SUCLA2: variants seen among roughly 807,000 people sequenced by gnomAD.
The protein encoded by SUCLA2 is succinate-CoA ligase ADP-forming subunit beta, also known as succinate--CoA ligase [ADP-forming] subunit beta, mitochondrial.
SUCLA2 carries 30 observed loss-of-function variants against 54.8 expected under a neutral mutation model. The ratio of observed to expected loss-of-function variants is 0.55; its 90% CI spans 0.41 to 0.74. The LOEUF (loss-of-function observed/expected upper bound fraction) is 0.74, where lower values mean the gene tolerates loss of function less well. SUCLA2 is among the 30% of genes least tolerant of loss of function. The pLI, the probability that SUCLA2 is intolerant of heterozygous loss-of-function variation, is 0.00. For missense variants in SUCLA2, 476 were observed against 562.9 expected (o/e 0.85, Z 1.56); for synonymous variants, 172 against 188.9 (o/e 0.91, Z 0.74).
At chr13:47,980,352 T>G (rs1243350018) in intron 4 of SUCLA2, among the ~76,000 whole-genome samples, 1 of 151,850 alleles carries the variant, frequency 6.6e-6, no homozygotes, top group African/African-American at 2.4e-5. Flanking sequence ...GAAATGCAGG[T>G]TGCAGTGAGC....
chr13:47,965,526 AAAC>A (rs1949911378), intron 6 of SUCLA2: 8 of 390,646 alleles, frequency 2.0e-5, no homozygotes, highest in Admixed American at 8.9e-5. Context: ...CAAAAAAAAA[AAAC>A]AAAGAAAAAC....
intron 4 of SUCLA2, among the ~76,000 whole-genome samples, chr13:47,981,983 T>G (rs1408054337): frequency 6.6e-6 from 1 of 152,078 alleles, no homozygotes; most frequent in African/African-American, 2.4e-5. Context: ...AGACTCTGTC[T>G]CAAAAAAATA....
rs1056034669 is a variant in SUCLA2, at chr13:47,964,687, C to T, written c.802+3908G>A. Among the ~76,000 whole-genome samples the T allele has an allele frequency of 7.3e-4, 111 of 152,040 alleles. 2 individuals are homozygous for T. The highest frequency in any genetic ancestry group is 1.7e-3 in the Admixed American group (26 of 15,278). On this transcript the variant is annotated intron_variant, in intron 6 of 10. Coordinates refer to ENST00000646932, the MANE Select transcript of SUCLA2 (RefSeq NM_003850.3). Reference sequence around the variant, plus strand: ...CCTGGCTAACACGGTGAAACCCCGTCTCTACTAAAAATACAAAAAATTAGC... The same window carrying T: ...CCTGGCTAACACGGTGAAACCCCGTTTCTACTAAAAATACAAAAAATTAGC...
intron 4 of SUCLA2, among the ~76,000 whole-genome samples, chr13:47,980,389 T>G (rs1390176402): frequency 2.6e-5 from 4 of 152,062 alleles, no homozygotes; most frequent in Admixed American, 2.6e-4. Flanking sequence ...CACTCCAGCC[T>G]GGGTGACAGA....
At chr13:47,946,443 A>C (rs7994359) in intron 10 of SUCLA2, among the ~76,000 whole-genome samples, 94,865 of 151,822 alleles carry the variant, frequency 0.62, 30,595 homozygotes, top group East Asian at 0.77. Flanking sequence ...AACAAACAAA[A>C]AAAAAAGGTA....
At chr13:47,996,323 C>CA (rs750012963) in intron 2 of SUCLA2, among the ~76,000 whole-genome samples, 33,659 of 93,192 alleles carry the variant, frequency 0.36, 4,556 homozygotes, top group Middle Eastern at 0.48. Flanking sequence ...AACTCCGTCT[C>CA]AAAAAAAAAA....
At chr13:47,957,776 A>C (rs1949833619) in intron 6 of SUCLA2, among the ~76,000 whole-genome samples, 4 of 152,130 alleles carry the variant, frequency 2.6e-5, no homozygotes, top group Admixed American at 6.5e-5. Flanking sequence ...CTTTGTGGGT[A>C]CCGGACAGTT....
At chr13:47,994,875 A>G in intron 2 of SUCLA2, 1 of 985,184 alleles carries the variant, frequency 1.0e-6, no homozygotes. Context: ...TATCCTGCAC[A>G]TATTATTTCT....
chr13:47,986,618 G>A (rs533502646), intron 4 of SUCLA2, among the ~76,000 whole-genome samples: 11 of 152,062 alleles, frequency 7.2e-5, no homozygotes, highest in South Asian at 2.1e-4. Flanking sequence ...ATCTTTGCCC[G>A]CGCCTATGTC....
In SUCLA2 at chr13:47,949,584, T is replaced by C; in HGVS notation, c.1127A>G (p.Asn376Ser). The change falls in exon 9 of 11, where the codon AAC becomes AGC. Residue 376 changes from asparagine to serine, a missense_variant. Physicochemically the swap from Asn to Ser is conservative, Grantham distance 46. Transcript: ENST00000646932. ...ACAGCGCATGATTCCTCCAAAAATG[T>C]TGACCAGAATAGCCAGTACCTATGA... is the stretch of plus-strand genomic sequence containing the variant. The part of the protein sequence containing the change: ...SDKKVLAILV[N>S]IFGGIMRCDV... 1 of 1,613,490 alleles carries C rather than the reference T, an allele frequency of 6.2e-7. No homozygotes were observed. The highest frequency in any genetic ancestry group is 8.5e-7 in the Non-Finnish European group (1 of 1,179,592).
intron 5 of SUCLA2, among the ~76,000 whole-genome samples, chr13:47,969,775 G>C (rs1436720581): frequency 6.6e-6 from 1 of 152,106 alleles, no homozygotes; most frequent in Non-Finnish European, 1.5e-5. Flanking sequence ...TTTGCAAAGA[G>C]TCAAATGCCA....
intron 4 of SUCLA2, among the ~76,000 whole-genome samples, chr13:47,984,194 CT>C (rs764034048): frequency 2.2e-3 from 309 of 143,660 alleles, no homozygotes; most frequent in Middle Eastern, 3.6e-3. Context: ...CTACTTTTCA[CT>C]TTTTTTTTTT....
chr13:47,965,034 C>G (rs1343009144), intron 6 of SUCLA2, among the ~76,000 whole-genome samples: 2 of 149,576 alleles, frequency 1.3e-5, no homozygotes, highest in Non-Finnish European at 3.0e-5. Context: ...GTGGCCTCTG[C>G]TGGCCAAATC....
chr13:47,976,419 G>A (rs77909295), intron 4 of SUCLA2, among the ~76,000 whole-genome samples: 1,704 of 152,200 alleles, frequency 0.011, 35 homozygotes, highest in African/African-American at 0.039. Flanking sequence ...CTTCTCCATT[G>A]GGAGAGAAAG....
chr13:47,997,113 GTTA>G, intron 1 of SUCLA2, 90 bp from the exon 2 acceptor site: 1 of 1,339,198 alleles, frequency 7.5e-7, no homozygotes, highest in Non-Finnish European at 1.1e-6. Context: ...TAACAAAACT[GTTA>G]CATTACATTA....
chr13:47,995,083 C>T (rs1950180173), intron 2 of SUCLA2, among the ~76,000 whole-genome samples: 1 of 152,116 alleles, frequency 6.6e-6, no homozygotes, highest in Non-Finnish European at 1.5e-5. Context: ...AAAATAGACA[C>T]AGTGGCATGT....
At chr13:47,976,300 AAAGCC>A (rs1391257120) in intron 4 of SUCLA2, among the ~76,000 whole-genome samples, 1 of 152,206 alleles carries the variant, frequency 6.6e-6, no homozygotes. Context: ...AGGTAAGCTC[AAAGCC>A]AAGAACATCT....
intron 6 of SUCLA2, among the ~76,000 whole-genome samples, chr13:47,962,770 G>C (rs1039367267): frequency 6.6e-6 from 1 of 152,110 alleles, no homozygotes; most frequent in African/African-American, 2.4e-5. Flanking sequence ...AAATAGAAAG[G>C]GAAGACTGAA....
At chr13:47,947,587 A>T (rs1949742961) in intron 10 of SUCLA2, among the ~76,000 whole-genome samples, 1 of 152,244 alleles carries the variant, frequency 6.6e-6, no homozygotes, top group African/African-American at 2.4e-5. Flanking sequence ...CTAAGCTATG[A>T]TGTCAATGGC....
Sources: allele counts gnomAD v4.1 joint callset (sites outside exome capture counted in the v4.1 genomes callset), GRCh38; gene constraint gnomAD v4.1.1; transcripts MANE v1.5; gene names NCBI Gene and HGNC (gene_info 2026-07-23, HGNC 2026-07-21).